Variants in MTIF2 observed in about 807,000 individuals in gnomAD.
MTIF2 encodes the protein translation initiation factor IF-2, mitochondrial.
In MTIF2, 71 loss-of-function variants were observed where a neutral mutation model predicts 83.5. The observed-to-expected ratio is 0.85, with a 90% CI of 0.70 to 1.04. The LOEUF (loss-of-function observed/expected upper bound fraction) is 1.04, where lower values mean the gene tolerates loss of function less well. MTIF2 is among the 50% of genes least tolerant of loss of function. The pLI, the probability that MTIF2 is intolerant of heterozygous loss-of-function variation, is 0.00. For synonymous variants in MTIF2, 319 were observed against 287.1 expected (o/e 1.11, Z -1.12); for missense variants, 957 against 846.5 (o/e 1.13, Z -1.62).
chr2:55,238,319 A>G (rs1301713183), intron 14 of MTIF2, among the ~76,000 whole-genome samples: 1 of 150,294 alleles, frequency 6.7e-6, no homozygotes, highest in Admixed American at 6.6e-5. Flanking sequence ...ACCTGACCTC[A>G]TTATTTTTCA....
intron 9 of MTIF2, among the ~76,000 whole-genome samples, chr2:55,248,805 G>A (rs1376780942): frequency 6.6e-6 from 1 of 152,052 alleles, no homozygotes; most frequent in Non-Finnish European, 1.5e-5. Context: ...TGAAATATAA[G>A]CACTTTTTTG....
intron 4 of MTIF2, among the ~76,000 whole-genome samples, chr2:55,263,062 C>A (rs1678158513): frequency 6.6e-6 from 1 of 152,068 alleles, no homozygotes; most frequent in Non-Finnish European, 1.5e-5. Context: ...GGGGTTTCAC[C>A]ATGTTGGCCA....
intron 8 of MTIF2, 80 bp from the exon 9 acceptor site, chr2:55,249,614 C>G (rs1261404681): frequency 3.9e-6 from 6 of 1,531,982 alleles, no homozygotes; most frequent in Non-Finnish European, 5.3e-6. Flanking sequence ...CATCAACTTT[C>G]TGTTCTGGTT....
At chr2:55,239,860 G>T in intron 14 of MTIF2, 151 bp downstream of exon 14, 1 of 627,576 alleles carries the variant, frequency 1.6e-6, no homozygotes, top group Non-Finnish European at 2.6e-6. Flanking sequence ...TACATAAGAA[G>T]TTACAATGGA....
At chr2:55,254,563 G>C (rs901988437) in intron 6 of MTIF2, 91 bp downstream of exon 6, 1 of 1,158,286 alleles carries the variant, frequency 8.6e-7, no homozygotes, top group African/African-American at 1.6e-5. Context: ...TATTACAAAA[G>C]AAATTTTAAA....
At chr2:55,243,288 T>C (rs1676455742) in intron 12 of MTIF2, 128 bp downstream of exon 12, 14 of 1,116,946 alleles carry the variant, frequency 1.3e-5, no homozygotes, top group Non-Finnish European at 1.7e-5. Context: ...GCAAGAAATA[T>C]GTTGACTAAG....
At chr2:55,251,157 T>A (rs957226436) in intron 8 of MTIF2, among the ~76,000 whole-genome samples, 5 of 151,370 alleles carry the variant, frequency 3.3e-5, no homozygotes, top group Non-Finnish European at 7.4e-5. Context: ...ACATTCTATG[T>A]TGATGAGCTG....
intron 11 of MTIF2, 95 bp from the exon 12 acceptor site, chr2:55,243,763 A>G: frequency 7.6e-7 from 1 of 1,308,192 alleles, no homozygotes; most frequent in East Asian, 2.3e-5. Context: ...AATTAGCTTA[A>G]CTCATGTATG....
Position 55,254,735 on chromosome 2 carries a change from A to G in MTIF2, c.422T>C (p.Val141Ala). ...SHLDEVWIKEVITKAGMKLKW... is the reference protein window; with the variant it reads ...SHLDEVWIKEAITKAGMKLKW... ...TAACTTCATCCCTGCCTTCGTTATCACTTCTTTGATCCAGACTTCATCTAA... is the reference window on the plus strand; with the variant it reads ...TAACTTCATCCCTGCCTTCGTTATCGCTTCTTTGATCCAGACTTCATCTAA... The change falls in exon 6 of 16, where the codon GTG (valine) becomes GCG (alanine). Residue 141 changes from valine to alanine, a missense_variant. Transcript: ENST00000263629. 6.2e-7 allele frequency: 1 copy of G among 1,611,020 alleles called. No individual in the cohort carries two copies. The highest frequency in any genetic ancestry group is 1.7e-4 in the Middle Eastern group (1 of 6,052).
chr2:55,246,309 A>T (rs780060532), intron 10 of MTIF2, 28 bp downstream of exon 10: 4 of 1,566,124 alleles, frequency 2.6e-6, no homozygotes, highest in Non-Finnish European at 2.6e-6. Flanking sequence ...AGAACAAATT[A>T]AAAAGGCAAG....
intron 9 of MTIF2, among the ~76,000 whole-genome samples, chr2:55,248,800 T>C (rs962019052): frequency 3.5e-4 from 54 of 152,322 alleles, no homozygotes; most frequent in African/African-American, 1.1e-3. Context: ...AGGCATGAAA[T>C]ATAAGCACTT....
At chr2:55,252,363 T>C in intron 8 of MTIF2, 114 bp downstream of exon 8, 1 of 866,256 alleles carries the variant, frequency 1.2e-6, no homozygotes. Context: ...GAGGCTTATC[T>C]GTAATACACG....
At chr2:55,250,888 TCACC>T in intron 8 of MTIF2, among the ~76,000 whole-genome samples, 1 of 152,050 alleles carries the variant, frequency 6.6e-6, no homozygotes, top group South Asian at 2.1e-4. Flanking sequence ...GGTGGGTGGA[TCACC>T]TGAGGTCAGG....
Position 55,252,582 on chromosome 2 carries a change from C to G in MTIF2, c.736G>C (p.Ala246Pro), listed in dbSNP as rs1163439457. The G allele has an allele frequency of 6.2e-7, 1 of 1,614,094 alleles. No homozygotes were observed. The highest frequency in any genetic ancestry group is 2.2e-5 in the East Asian group (1 of 44,876). The change falls in exon 8 of 16, where the codon GCC becomes CCC. Residue 246 changes from alanine (A) to proline (P), a missense_variant. Physicochemically the swap from Ala to Pro is conservative, Grantham distance 27. Coordinates refer to ENST00000263629, the MANE Select transcript of MTIF2 (RefSeq NM_002453.3). ...PGHAAFSAMRARGAQVTDIVV... is the reference protein window; with the variant it reads ...PGHAAFSAMRPRGAQVTDIVV... Reference sequence around the variant, plus strand: ...ATGTCAGTGACCTGAGCACCTCTGGCTCTCATTGCTGAGAAAGCAGCATGT... The same window carrying G: ...ATGTCAGTGACCTGAGCACCTCTGGGTCTCATTGCTGAGAAAGCAGCATGT...
chr2:55,244,511 C>T (rs1043058185), intron 10 of MTIF2, among the ~76,000 whole-genome samples: 6 of 152,120 alleles, frequency 3.9e-5, no homozygotes, highest in Non-Finnish European at 7.3e-5. Context: ...AATTTATTTG[C>T]GATAGCCAAG....
chr2:55,241,981 T>C (rs1676349691), intron 13 of MTIF2, among the ~76,000 whole-genome samples: 1 of 151,288 alleles, frequency 6.6e-6, no homozygotes, highest in Non-Finnish European at 1.5e-5. Flanking sequence ...ACCCTGTCTC[T>C]ACTAAAAATA....
At chr2:55,255,350 T>G (rs1677426738) in intron 5 of MTIF2, among the ~76,000 whole-genome samples, 1 of 148,452 alleles carries the variant, frequency 6.7e-6, no homozygotes, top group African/African-American at 2.5e-5. Context: ...TAATTTTGTT[T>G]TATGCATTTC....
intron 10 of MTIF2, among the ~76,000 whole-genome samples, chr2:55,245,931 C>G (rs551624143): frequency 1.4e-4 from 21 of 152,258 alleles, no homozygotes; most frequent in African/African-American, 3.9e-4. Context: ...AATTCAAGCA[C>G]ACCACTTCAA....
intron 5 of MTIF2, among the ~76,000 whole-genome samples, chr2:55,257,004 T>A (rs548282881): frequency 2.0e-5 from 3 of 152,294 alleles, no homozygotes; most frequent in African/African-American, 7.2e-5. Flanking sequence ...AACCAAAAAC[T>A]CTTGAAATAT....
Sources: allele counts gnomAD v4.1 joint callset (sites outside exome capture counted in the v4.1 genomes callset), GRCh38; gene constraint gnomAD v4.1.1; transcripts MANE v1.5; gene names NCBI Gene and HGNC (gene_info 2026-07-23, HGNC 2026-07-21).